The following PPP1R36 variants were observed in gnomAD, a reference collection of about 807,000 sequenced individuals.
PPP1R36 encodes the protein protein phosphatase 1 regulatory subunit 36, also known as chromosome 14 open reading frame 50.
In PPP1R36, 47 loss-of-function variants were observed where a neutral mutation model predicts 53.4. The observed-to-expected ratio is 0.88, with a 90% CI of 0.70 to 1.12. The LOEUF (loss-of-function observed/expected upper bound fraction) is 1.12. Ranked by LOEUF, PPP1R36 falls within the 50% of genes most tolerant of loss-of-function variation. PPP1R36 has a pLI of 0.00. For synonymous variants in PPP1R36, 153 were observed against 170.5 expected, an observed-to-expected ratio of 0.90 and a Z score of 0.80; for missense variants, 456 against 513.9, an observed-to-expected ratio of 0.89 and a Z score of 1.09.
At chr14:64,563,645 T>C (rs1322923125) in intron 3 of PPP1R36, among the ~76,000 whole-genome samples, 2 of 152,170 alleles carry the variant, frequency 1.3e-5, no homozygotes, top group Non-Finnish European at 2.9e-5. Context: ...TTTAACAAAA[T>C]TTCTTTGTGG....
chr14:64,586,836 G>T lies in PPP1R36; in HGVS notation c.669-1G>T. ...TATAGTTGTGACTTGTTATATTACA[G>T]GGAGAAAATATCAGATACACAGAAA... On this transcript the variant is annotated splice_acceptor_variant, in intron 8 of 11. Transcript: ENST00000298705. LOFTEE classifies it high-confidence loss of function. The T allele has an allele frequency of 6.2e-7, 1 of 1,609,446 alleles. No homozygotes were observed. The highest frequency in any genetic ancestry group is 1.3e-5 in the African/African-American group (1 of 74,928).
At chr14:64,568,518 TA>T (rs1253800439) in intron 7 of PPP1R36, 71 bp downstream of exon 7, 4 of 665,798 alleles carry the variant, frequency 6.0e-6, no homozygotes, top group Non-Finnish European at 1.0e-5. Context: ...TTGTCTAGGA[TA>T]AAGAGATGAT....
intron 3 of PPP1R36, among the ~76,000 whole-genome samples, chr14:64,557,167 A>G (rs929725192): frequency 1.4e-4 from 22 of 152,202 alleles, no homozygotes; most frequent in African/African-American, 4.8e-4. Flanking sequence ...TTTCAAATAT[A>G]TAAAGGTAGG....
At chr14:64,570,177 T>C (rs1015972492) in intron 7 of PPP1R36, among the ~76,000 whole-genome samples, 1 of 152,076 alleles carries the variant, frequency 6.6e-6, no homozygotes, top group Non-Finnish European at 1.5e-5. Flanking sequence ...AACAAACCAA[T>C]TGAAGCCTTA....
At chr14:64,561,772 C>A (rs778980307) in intron 3 of PPP1R36, 5 of 455,938 alleles carry the variant, frequency 1.1e-5, no homozygotes, top group Admixed American at 9.4e-5. Flanking sequence ...GCTATCCTTT[C>A]TCTTCTTGCT....
At chr14:64,588,835 CA>C (rs1300994994) in intron 11 of PPP1R36, among the ~76,000 whole-genome samples, 1 of 152,062 alleles carries the variant, frequency 6.6e-6, no homozygotes, top group African/African-American at 2.4e-5. Flanking sequence ...GCTGGGATTA[CA>C]GGTGTGAGCC....
chr14:64,583,102 C>G (rs553034129), intron 8 of PPP1R36, among the ~76,000 whole-genome samples: 11 of 147,346 alleles, frequency 7.5e-5, no homozygotes, highest in Non-Finnish European at 4.5e-5. Context: ...TTGTAGAGAT[C>G]GCGTTTTGCC....
At chr14:64,582,569 A>T (rs1275294643) in intron 8 of PPP1R36, among the ~76,000 whole-genome samples, 1 of 152,250 alleles carries the variant, frequency 6.6e-6, no homozygotes, top group African/African-American at 2.4e-5. Context: ...TTTGAAATGT[A>T]GTAGTCCAAA....
chr14:64,552,927 A>G, intron 3 of PPP1R36, 66 bp downstream of exon 3: 1 of 1,408,424 alleles, frequency 7.1e-7, no homozygotes, highest in Non-Finnish European at 1.0e-6. Flanking sequence ...CAGAAGTCAA[A>G]ATACATGTTA....
At chr14:64,551,051 C>T (rs765619361) in intron 2 of PPP1R36, 66 bp downstream of exon 2, 62 of 1,076,374 alleles carry the variant, frequency 5.8e-5, no homozygotes, top group Non-Finnish European at 8.3e-5. Context: ...GAAAAAAAAG[C>T]AACAGAAGAG....
At chr14:64,552,737 C>T in intron 2 of PPP1R36, 77 bp from the exon 3 acceptor site, 1 of 1,160,236 alleles carries the variant, frequency 8.6e-7, no homozygotes, top group African/African-American at 1.5e-5. Flanking sequence ...CAAAAGTTTA[C>T]ATTTTATAGA....
At chr14:64,557,733 T>TG (rs2080168198) in intron 3 of PPP1R36, among the ~76,000 whole-genome samples, 3 of 152,260 alleles carry the variant, frequency 2.0e-5, no homozygotes, top group Middle Eastern at 3.4e-3. Context: ...AAGAATGGGC[T>TG]GGGGGCAGTG....
chr14:64,573,987 A>C (rs112273065), intron 7 of PPP1R36, among the ~76,000 whole-genome samples: 318 of 151,536 alleles, frequency 2.1e-3, no homozygotes, highest in African/African-American at 7.5e-3. Flanking sequence ...TCCAATGATT[A>C]AATATGAAGG....
chr14:64,577,678 T>G (rs972680593), intron 8 of PPP1R36, among the ~76,000 whole-genome samples: 1 of 150,002 alleles, frequency 6.7e-6, no homozygotes, highest in Admixed American at 6.7e-5. Flanking sequence ...TGATAACATA[T>G]CCAACATCAT....
intron 3 of PPP1R36, among the ~76,000 whole-genome samples, chr14:64,562,187 G>A (rs2080210949): frequency 2.0e-5 from 3 of 152,192 alleles, no homozygotes; most frequent in African/African-American, 7.2e-5. Flanking sequence ...TTGGCTGGGC[G>A]CGGTGGCCCA....
chr14:64,565,416 G>T lies in PPP1R36; in HGVS notation c.329G>T (p.Arg110Leu). 2 of 1,613,462 alleles carry T rather than the reference G, an allele frequency of 1.2e-6. No individual in the cohort carries two copies. The highest frequency in any genetic ancestry group is 1.7e-6 in the Non-Finnish European group (2 of 1,179,526). ...AAGTCAGCTAAAGCTGTAGAGAAAC[G>T]AGGTCAACAGGGCACCATTACACTG... ...DDKSAKAVEK[R>L]GQQGTITLDD... Residue 110 changes from arginine to leucine, a missense_variant, in exon 5 of 12, where the codon CGA (arginine) becomes CTA (leucine). Arg to Leu is a moderately radical substitution (Grantham distance 102). Transcript: ENST00000298705.
chr14:64,560,452 A>AG (rs2080197637), intron 3 of PPP1R36, among the ~76,000 whole-genome samples: 1 of 151,692 alleles, frequency 6.6e-6, no homozygotes, highest in Admixed American at 6.6e-5. Context: ...AAAAAAAAAA[A>AG]AAAAAGAAAG....
chr14:64,569,051 A>T (rs2140233668), intron 7 of PPP1R36, among the ~76,000 whole-genome samples: 1 of 152,290 alleles, frequency 6.6e-6, no homozygotes, highest in Non-Finnish European at 1.5e-5. Flanking sequence ...TAAAAAAATT[A>T]ATATATTTGG....
chr14:64,561,846 A>G (rs1418522013), intron 3 of PPP1R36: 1 of 456,010 alleles, frequency 2.2e-6, no homozygotes, highest in African/African-American at 2.0e-5. Flanking sequence ...TGCCAAGGTC[A>G]TGGACTCCCC....
Sources: gnomAD v4.1 joint callset for allele counts (sites outside exome capture counted in the v4.1 genomes callset) on GRCh38, gnomAD v4.1.1 for gene constraint, MANE v1.5 for transcripts, NCBI Gene and HGNC (gene_info 2026-07-23, HGNC 2026-07-21) for gene names.